HMGA2: variants seen among roughly 807,000 people sequenced by gnomAD.
HMGA2 encodes the protein high mobility group protein HMGI-C.
A neutral mutation model predicts 19.1 loss-of-function variants in HMGA2; 8 were observed. The observed-to-expected ratio is 0.42, with a 90% CI of 0.25 to 0.76. The LOEUF (loss-of-function observed/expected upper bound fraction) is 0.76. Ranked by LOEUF, HMGA2 falls within the 30% of genes least tolerant of loss-of-function variation. HMGA2 has a pLI of 0.28. For synonymous variants in HMGA2, 60 were observed against 48.8 expected (o/e 1.23, Z -0.96); for missense variants, 109 against 136.3 (o/e 0.80, Z 1.00).
chr12:65,853,995 T>G (rs1318901891), intron 3 of HMGA2, among the ~76,000 whole-genome samples: 1 of 152,226 alleles, frequency 6.6e-6, no homozygotes, highest in Non-Finnish European at 1.5e-5. Flanking sequence ...TCATAAGAAC[T>G]CTTACAGGAT....
Position 65,923,452 on chromosome 12 carries a change from C to A in HMGA2, c.250-27931C>A, listed in dbSNP as rs576053033. Among the ~76,000 whole-genome samples, 9 of 152,314 alleles carry A rather than the reference C, an allele frequency of 5.9e-5. No individual in the cohort carries two copies. The East Asian group carries it at 1.7e-3, about 29-fold the overall frequency. ...GGGGCTTCCCTGTGTTACATTCAGA[C>A]TATTGTCAGTTCCTGGGCTTTCAGG... On this transcript the variant is annotated intron_variant, in intron 3 of 4. Transcript: ENST00000403681.
intron 3 of HMGA2, among the ~76,000 whole-genome samples, chr12:65,892,008 C>T (rs1489709651): frequency 6.6e-6 from 1 of 152,190 alleles, no homozygotes; most frequent in Admixed American, 6.6e-5. Flanking sequence ...TCAGAGATTA[C>T]AGTTTGTACA....
intron 3 of HMGA2, among the ~76,000 whole-genome samples, chr12:65,946,028 CA>C (rs1275683521): frequency 6.6e-6 from 1 of 152,068 alleles, no homozygotes; most frequent in Non-Finnish European, 1.5e-5. Context: ...AATATGACAC[CA>C]TATTTAACTT....
chr12:65,946,813 A>G (rs1445168120), intron 3 of HMGA2, among the ~76,000 whole-genome samples: 5 of 152,214 alleles, frequency 3.3e-5, no homozygotes, highest in Admixed American at 3.3e-4. Context: ...TGGATTTTAA[A>G]AATTCAGTAA....
At chr12:65,865,438 A>G (rs903616818) in intron 3 of HMGA2, among the ~76,000 whole-genome samples, 1 of 152,174 alleles carries the variant, frequency 6.6e-6, no homozygotes, top group Non-Finnish European at 1.5e-5. Context: ...GAACATATGT[A>G]CAGTAAAAAT....
chr12:65,894,839 ATG>A (rs1565724593), intron 3 of HMGA2, among the ~76,000 whole-genome samples: 6 of 152,160 alleles, frequency 3.9e-5, no homozygotes, highest in Admixed American at 3.9e-4. Flanking sequence ...CCCCACAATT[ATG>A]TATGCTCAAT....
intron 3 of HMGA2, among the ~76,000 whole-genome samples, chr12:65,871,528 T>C (rs909339106): frequency 1.3e-5 from 2 of 152,228 alleles, no homozygotes; most frequent in Non-Finnish European, 2.9e-5. Context: ...CCTCCAGGTA[T>C]TATTTGTTTT....
chr12:65,954,163 A>AACATT (rs1297598126), intron 4 of HMGA2: 1 of 152,230 alleles, frequency 6.6e-6, no homozygotes, highest in African/African-American at 2.4e-5. Context: ...TACTCCCAAG[A>AACATT]ACATTACAAG....
chr12:65,863,996 C>T (rs569351448), intron 3 of HMGA2, among the ~76,000 whole-genome samples: 2 of 152,190 alleles, frequency 1.3e-5, no homozygotes, highest in Admixed American at 1.3e-4. Flanking sequence ...TATCATTTCC[C>T]GCACTGTGGC....
chr12:65,873,495 G>A (rs1872811864), intron 3 of HMGA2, among the ~76,000 whole-genome samples: 1 of 151,786 alleles, frequency 6.6e-6, no homozygotes, highest in African/African-American at 2.4e-5. Flanking sequence ...ATTTATTTTA[G>A]AAAAAAAGAA....
intron 3 of HMGA2, chr12:65,858,315 C>T (rs1018793004): frequency 1.3e-5 from 2 of 151,218 alleles, no homozygotes; most frequent in African/African-American, 2.4e-5. Context: ...TTTTACAGTT[C>T]TCTCTACCTT....
At chr12:65,862,794 T>C (rs1037876434) in intron 3 of HMGA2, among the ~76,000 whole-genome samples, 3 of 152,052 alleles carry the variant, frequency 2.0e-5, no homozygotes, top group Non-Finnish European at 4.4e-5. Context: ...TGGCTGTGGA[T>C]AAAGATCCCA....
chr12:65,903,671 C>T (rs751212273), intron 3 of HMGA2, among the ~76,000 whole-genome samples: 17 of 152,046 alleles, frequency 1.1e-4, no homozygotes, highest in Non-Finnish European at 2.4e-4. Context: ...TTCTGACAGG[C>T]GTGTCAAACA....
Position 65,824,735 on chromosome 12 carries a change from C to G in HMGA2, c.-536C>G, listed in dbSNP as rs866470963. The G allele has an allele frequency of 0.012, 2,637 of 214,574 alleles. 91 individuals carry two copies. The highest frequency in any genetic ancestry group is 0.057 in the African/African-American group (2,048 of 35,930). 13.3% of individuals were successfully genotyped at this position (214,574 alleles called of 1,614,324 possible). On this transcript the variant is annotated 5_prime_UTR_variant, in exon 1 of 5. Transcript: ENST00000403681. ...CTCTTCTCTCTCTCTCTCTCTCTCT[C>G]TCTCTCTCTCTCTCTCTCTCTCTCT...
chr12:65,939,792 A>T (rs558778810), intron 3 of HMGA2, among the ~76,000 whole-genome samples: 2 of 152,240 alleles, frequency 1.3e-5, no homozygotes, highest in Non-Finnish European at 2.9e-5. Flanking sequence ...GAACACAGAG[A>T]CCATACTGGA....
At chr12:65,920,420 G>A (rs926440096) in intron 3 of HMGA2, among the ~76,000 whole-genome samples, 1 of 152,182 alleles carries the variant, frequency 6.6e-6, no homozygotes, top group Admixed American at 6.5e-5. Flanking sequence ...CAAGGAACAT[G>A]TAGATTTGTT....
chr12:65,929,874 C>T (rs1005719416), intron 3 of HMGA2, among the ~76,000 whole-genome samples: 13 of 151,974 alleles, frequency 8.6e-5, no homozygotes, highest in African/African-American at 2.7e-4. Flanking sequence ...AAGTTGAATG[C>T]ATTTTTGTAA....
chr12:65,926,842 G>A (rs913218357), intron 3 of HMGA2, among the ~76,000 whole-genome samples: 2 of 152,200 alleles, frequency 1.3e-5, no homozygotes, highest in South Asian at 4.1e-4. Context: ...GAGAGGTTTG[G>A]GTGACAGAAA....
intron 3 of HMGA2, among the ~76,000 whole-genome samples, chr12:65,923,461 G>T (rs1035493873): frequency 4.6e-5 from 7 of 152,234 alleles, no homozygotes; most frequent in African/African-American, 1.4e-4. Context: ...ACTATTGTCA[G>T]TTCCTGGGCT....
Sources: gnomAD v4.1 joint callset for allele counts (sites outside exome capture counted in the v4.1 genomes callset) on GRCh38, gnomAD v4.1.1 for gene constraint, MANE v1.5 for transcripts, NCBI Gene and HGNC (gene_info 2026-07-23, HGNC 2026-07-21) for gene names.